The following SKA2 variants were observed in gnomAD, a reference collection of about 807,000 sequenced individuals.
The protein encoded by SKA2 is spindle and kinetochore-associated protein 2.
A neutral mutation model predicts 16.9 loss-of-function variants in SKA2; 13 were observed. The ratio of observed to expected loss-of-function variants is 0.77; its 90% CI spans 0.50 to 1.22. The LOEUF (loss-of-function observed/expected upper bound fraction) is 1.22. SKA2 is among the 50% of genes most tolerant of loss of function. SKA2 has a pLI of 0.00. For missense variants in SKA2, 107 were observed against 139.7 expected, an observed-to-expected ratio of 0.77 and a Z score of 1.18; for synonymous variants, 47 against 48.5, an observed-to-expected ratio of 0.97 and a Z score of 0.13.
chr17:59,150,600 G>C (rs1289742856), intron 1 of SKA2, among the ~76,000 whole-genome samples: 3 of 152,138 alleles, frequency 2.0e-5, no homozygotes, highest in Non-Finnish European at 4.4e-5. Flanking sequence ...ATATTAGCCA[G>C]GCATGGTAGG....
At chr17:59,118,753 G>A (rs919104463) in intron 3 of SKA2, among the ~76,000 whole-genome samples, 6 of 152,008 alleles carry the variant, frequency 3.9e-5, no homozygotes, top group African/African-American at 1.5e-4. Context: ...GTTCTAAGCA[G>A]ATATTATTCT....
At chr17:59,136,727 T>G (rs2046448254) in intron 1 of SKA2, among the ~76,000 whole-genome samples, 1 of 151,914 alleles carries the variant, frequency 6.6e-6, no homozygotes, top group South Asian at 2.1e-4. Context: ...TTTTGTATTT[T>G]TAGTACAGAC....
intron 1 of SKA2, among the ~76,000 whole-genome samples, chr17:59,142,315 C>T (rs1031511735): frequency 2.2e-5 from 3 of 138,438 alleles, no homozygotes; most frequent in African/African-American, 5.4e-5. Context: ...TTTGAGATGG[C>T]GTTTCGCTCT....
chr17:59,151,046 C>T, intron 1 of SKA2: 2 of 442,804 alleles, frequency 4.5e-6, no homozygotes, highest in South Asian at 3.3e-5. Context: ...TTAGTAACAA[C>T]ATTATAGTTC....
intron 1 of SKA2, among the ~76,000 whole-genome samples, chr17:59,143,899 T>C (rs2046511642): frequency 6.6e-6 from 1 of 152,130 alleles, no homozygotes; most frequent in African/African-American, 2.4e-5. Context: ...GGCTCATGCC[T>C]GTAATCCCAG....
intron 1 of SKA2, among the ~76,000 whole-genome samples, chr17:59,140,491 A>G (rs575692950): frequency 6.6e-6 from 1 of 151,924 alleles, no homozygotes; most frequent in African/African-American, 2.4e-5. Flanking sequence ...AGCCTCCCAA[A>G]GTGCTGGGAT....
chr17:59,126,882 G>T (rs925000994), intron 2 of SKA2, among the ~76,000 whole-genome samples: 4 of 152,048 alleles, frequency 2.6e-5, no homozygotes, highest in African/African-American at 4.8e-5. Flanking sequence ...ATTAACAGAT[G>T]AATCGATAAA....
At chr17:59,147,347 TG>T in intron 1 of SKA2, among the ~76,000 whole-genome samples, 1 of 148,964 alleles carries the variant, frequency 6.7e-6, no homozygotes, top group African/African-American at 2.5e-5. Flanking sequence ...AGGCCAGGGC[TG>T]GTAACTAAGA....
chr17:59,145,881 T>A (rs902563129), intron 1 of SKA2, among the ~76,000 whole-genome samples: 1 of 151,930 alleles, frequency 6.6e-6, no homozygotes, highest in Non-Finnish European at 1.5e-5. Flanking sequence ...TGTCAGCTAC[T>A]CGTAAGGCTG....
At chr17:59,137,926 C>T in intron 1 of SKA2, 3 of 452,832 alleles carry the variant, frequency 6.6e-6, no homozygotes, top group South Asian at 5.1e-5. Context: ...TAATCTAAAA[C>T]TCATTAGTGT....
intron 1 of SKA2, among the ~76,000 whole-genome samples, chr17:59,148,827 A>C (rs796498459): frequency 2.1e-5 from 3 of 142,236 alleles, no homozygotes; most frequent in Admixed American, 6.9e-5. Context: ...AAAAAAAAAA[A>C]AAAGAAAAGA....
intron 1 of SKA2, among the ~76,000 whole-genome samples, chr17:59,153,323 TG>T (rs2046591463): frequency 6.6e-6 from 1 of 152,220 alleles, no homozygotes; most frequent in South Asian, 2.1e-4. Flanking sequence ...CTTAACATTT[TG>T]TTTTTTTTAA....
At chr17:59,116,564 AC>A (rs2046297589) in intron 3 of SKA2, among the ~76,000 whole-genome samples, 1 of 152,000 alleles carries the variant, frequency 6.6e-6, no homozygotes, top group Non-Finnish European at 1.5e-5. Context: ...GTTCTTTTTA[AC>A]TATTACAAAT....
At chr17:59,128,216 G>GAAA (rs542313393) in intron 2 of SKA2, among the ~76,000 whole-genome samples, 1 of 138,228 alleles carries the variant, frequency 7.2e-6, no homozygotes, top group African/African-American at 2.7e-5. Flanking sequence ...CTCCATCTCA[G>GAAA]AAAAAAAAAA....
chr17:59,125,381 T>G (rs897990509), intron 2 of SKA2, among the ~76,000 whole-genome samples: 18 of 151,748 alleles, frequency 1.2e-4, no homozygotes, highest in Admixed American at 3.3e-4. Context: ...CATTTTAGGG[T>G]TTTAGTTATC....
chr17:59,122,353 C>CA (rs1406967568), intron 2 of SKA2, among the ~76,000 whole-genome samples: 2 of 151,940 alleles, frequency 1.3e-5, no homozygotes, highest in Non-Finnish European at 2.9e-5. Flanking sequence ...CTCACGCCTG[C>CA]AAGTCCCAGC....
rs974795732 is a variant in SKA2, at chr17:59,110,543, A to G, written c.*1734T>C. On this transcript the variant is annotated 3_prime_UTR_variant, in exon 4 of 4. Transcript: ENST00000330137. ...CACGGTAGCTCATGCCTGTAATCCC[A>G]GCACTTTGGGAGGCCGAGGTGGGTG... 1 of 152,268 alleles carries G rather than the reference A, an allele frequency of 6.6e-6. No individual in the cohort carries two copies. The highest frequency in any genetic ancestry group is 1.5e-5 in the Non-Finnish European group (1 of 68,094). 9.4% of individuals were successfully genotyped at this position (152,268 alleles called of 1,614,324 possible).
chr17:59,129,744 A>G (rs1415758599), intron 2 of SKA2, among the ~76,000 whole-genome samples: 1 of 151,446 alleles, frequency 6.6e-6, no homozygotes, highest in African/African-American at 2.4e-5. Context: ...AATCCCAGCT[A>G]CTCGGGAGGC....
intron 1 of SKA2, among the ~76,000 whole-genome samples, chr17:59,144,205 G>A (rs1179039779): frequency 1.3e-5 from 2 of 150,818 alleles, no homozygotes; most frequent in African/African-American, 4.9e-5. Flanking sequence ...GAAAAAAAGT[G>A]TTTAGGAACC....
Sources: allele counts gnomAD v4.1 joint callset (sites outside exome capture counted in the v4.1 genomes callset), GRCh38; gene constraint gnomAD v4.1.1; transcripts MANE v1.5; gene names NCBI Gene and HGNC (gene_info 2026-07-23, HGNC 2026-07-21).